Variants in JPH1 observed in about 807,000 individuals in gnomAD.
The protein encoded by JPH1 is junctophilin-1.
A neutral mutation model predicts 53.6 loss-of-function variants in JPH1; 12 were observed. That is an observed-to-expected ratio of 0.22 (90% CI 0.14 to 0.36). The LOEUF (loss-of-function observed/expected upper bound fraction) is 0.36, where lower values mean the gene tolerates loss of function less well. JPH1 is among the 10% of genes least tolerant of loss of function. The probability of loss-of-function intolerance (pLI) is 1.00; values close to 1 mark genes in which losing one functional copy is unlikely to be tolerated. For synonymous variants in JPH1, 375 were observed against 363.8 expected (o/e 1.03, Z -0.35); for missense variants, 808 against 905.5 (o/e 0.89, Z 1.38).
chr8:74,244,940 T>C lies in JPH1; in HGVS notation c.1494A>G (p.Lys498=), dbSNP rs760271557. The change falls in exon 4 of 6, where the codon AAA becomes AAG. Residue 498 remains lysine, a synonymous_variant. Coordinates refer to ENST00000342232, the MANE Select transcript of JPH1 (RefSeq NM_020647.4). ...TCACCTGCTCATCAGCCACACTCCT[T>C]TTGTCTTGGTTGAGTCTCGCCCCTG... The part of the protein sequence containing the change: ...PSSGARLNQD[K]RSVADEQVTA... The C allele has an allele frequency of 9.9e-5, 159 of 1,613,926 alleles. No homozygotes were observed. The highest frequency in any genetic ancestry group is 1.2e-4 in the Non-Finnish European group (145 of 1,180,026).
rs201342439 is a variant in JPH1, at chr8:74,244,788, T to C, written c.1646A>G (p.Gln549Arg). The change falls in exon 4 of 6, where the codon CAG (glutamine) becomes CGG (arginine). Residue 549 changes from glutamine to arginine, a missense_variant. This residue lies in a region of JPH1 where 756 missense variants were observed against 811.9 expected (regional missense o/e 0.93). Transcript: ENST00000342232. ...PNPSNGELHS[Q>R]YHGYYVKLNA... Reference sequence around the variant, plus strand: ...CAGCTTCACGTAGTAGCCGTGATACTGAGAATGCAGCTCCCCGTTACTGGG... The same window carrying C: ...CAGCTTCACGTAGTAGCCGTGATACCGAGAATGCAGCTCCCCGTTACTGGG... The C allele has an allele frequency of 1.4e-4, 227 of 1,614,062 alleles. 1 individual carries two copies. Among genetic ancestry groups the C allele is most frequent in the Non-Finnish European group, 2.4e-5 (28 of 1,180,036 alleles).
At chr8:74,296,691 A>C (rs1807531279) in intron 2 of JPH1, among the ~76,000 whole-genome samples, 1 of 152,192 alleles carries the variant, frequency 6.6e-6, no homozygotes, top group South Asian at 2.1e-4. Flanking sequence ...GCTTGCCTAA[A>C]AATTTCATTT....
intron 2 of JPH1, among the ~76,000 whole-genome samples, chr8:74,276,280 T>C (rs1806845725): frequency 6.6e-6 from 1 of 152,176 alleles, no homozygotes; most frequent in South Asian, 2.1e-4. Context: ...ACACTAGCCA[T>C]AGGACCGTGC....
intron 3 of JPH1, among the ~76,000 whole-genome samples, chr8:74,258,737 C>T (rs893658015): frequency 2.6e-5 from 4 of 152,148 alleles, no homozygotes; most frequent in Non-Finnish European, 5.9e-5. Context: ...GAATCTGTAG[C>T]TGTCACTAAA....
intron 2 of JPH1, among the ~76,000 whole-genome samples, chr8:74,261,123 A>C (rs1806384086): frequency 6.6e-6 from 1 of 152,186 alleles, no homozygotes; most frequent in Admixed American, 6.5e-5. Context: ...GGTGGAAAGG[A>C]GGGCATATCT....
Position 74,321,390 on chromosome 8 carries a change from C to G in JPH1, c.-103G>C. ...GGTGGGGGCCCGGCGGGCGAGCTCACGACAGCGCCCTGGGCAGCTCGCGCT... is the reference window on the plus strand; with the variant it reads ...GGTGGGGGCCCGGCGGGCGAGCTCAGGACAGCGCCCTGGGCAGCTCGCGCT... On this transcript the variant is annotated 5_prime_UTR_variant, in exon 1 of 6. Coordinates refer to ENST00000342232, the MANE Select transcript of JPH1 (RefSeq NM_020647.4). The surrounding 1 kb of genome is among the most constrained non-coding windows in gnomAD (Gnocchi z 4.3). 1 of 1,191,698 alleles carries G rather than the reference C, an allele frequency of 8.4e-7. No homozygotes were observed. The highest frequency in any genetic ancestry group is 3.1e-5 in the East Asian group (1 of 32,458). The allele number at this position is 1,191,698 out of a possible 1,614,324, so 73.8% of individuals were successfully genotyped here.
At chr8:74,271,141 C>CT (rs34886448) in intron 2 of JPH1, among the ~76,000 whole-genome samples, 10,659 of 152,212 alleles carry the variant, frequency 0.07, 954 homozygotes, top group African/African-American at 0.2. Context: ...GTCATTTCCA[C>CT]GAGGCAGGAA....
At chr8:74,297,353 C>T (rs777907929) in intron 2 of JPH1, among the ~76,000 whole-genome samples, 2 of 152,180 alleles carry the variant, frequency 1.3e-5, no homozygotes, top group Admixed American at 6.5e-5. Flanking sequence ...CAGAGAGGGA[C>T]GTCAAACAGA....
At position 74,299,684 on chromosome 8, in the gene JPH1, G is replaced by T. The variant is rs576210883; in HGVS notation, c.1139+15177C>A. Among the ~76,000 whole-genome samples, 8 of 152,300 alleles carry T rather than the reference G, an allele frequency of 5.3e-5. 1 individual carries two copies. In the East Asian group the frequency reaches 1.5e-3, roughly 29 times the overall value. On this transcript the variant is annotated intron_variant, in intron 2 of 5. Transcript: ENST00000342232. Reference sequence around the variant, plus strand: ...GGCTAAAGTTTTTCTTTTAACCACAGCCACATATGCATATTTACATAGACA... The same window carrying T: ...GGCTAAAGTTTTTCTTTTAACCACATCCACATATGCATATTTACATAGACA...
At chr8:74,238,895 C>T (rs918230192) in intron 4 of JPH1, among the ~76,000 whole-genome samples, 3 of 152,142 alleles carry the variant, frequency 2.0e-5, no homozygotes, top group Non-Finnish European at 2.9e-5. Context: ...TGGCCTTAAG[C>T]GATCCTGCCA....
rs896871598 is a variant in JPH1, at chr8:74,320,528, C to T, written c.379+381G>A. ...CGGGAGTGGCGATTTCAAACCCGGC[C>T]GGGAGAGGGAGGGATCAGGAACGTA... On this transcript the variant is annotated intron_variant, in intron 1 of 5. Coordinates refer to ENST00000342232, the MANE Select transcript of JPH1 (RefSeq NM_020647.4). The surrounding 1 kb of genome is among the most constrained non-coding windows in gnomAD (Gnocchi z 4.4). 6.6e-6 allele frequency among the ~76,000 whole-genome samples: 1 copy of T among 152,150 alleles called. No homozygotes were observed. The highest frequency in any genetic ancestry group is 2.4e-5 in the African/African-American group (1 of 41,442).
intron 2 of JPH1, among the ~76,000 whole-genome samples, chr8:74,314,305 C>T (rs1023603915): frequency 6.6e-6 from 1 of 152,178 alleles, no homozygotes; most frequent in Non-Finnish European, 1.5e-5. Flanking sequence ...CCACTTTTGC[C>T]ATATGTAGAT....
chr8:74,315,053 T>C lies in JPH1; in HGVS notation c.947A>G (p.Tyr316Cys). ...GEWANNKRHGYGCTVFPDGSK... is the reference protein window; with the variant it reads ...GEWANNKRHGCGCTVFPDGSK... Reference sequence around the variant, plus strand: ...GCCGTCAGGAAACACGGTACAGCCATATCCATGCCTCTTGTTATTTGCCCA... The same window carrying C: ...GCCGTCAGGAAACACGGTACAGCCACATCCATGCCTCTTGTTATTTGCCCA... Residue 316 changes from tyrosine (Y) to cysteine (C), a missense_variant, in exon 2 of 6, where the codon TAT (tyrosine) becomes TGT (cysteine). By Grantham distance (194) the Tyr-to-Cys change is radical (BLOSUM62 -2). This residue lies in a region of JPH1 where 756 missense variants were observed against 811.9 expected (regional missense o/e 0.93). Transcript: ENST00000342232. The surrounding 1 kb of genome is among the most constrained non-coding windows in gnomAD (Gnocchi z 6.3). 6.2e-7 allele frequency: 1 copy of C among 1,614,238 alleles called. No individual in the cohort carries two copies. The highest frequency in any genetic ancestry group is 8.5e-7 in the Non-Finnish European group (1 of 1,180,030).
intron 2 of JPH1, among the ~76,000 whole-genome samples, chr8:74,300,153 A>G (rs1807634768): frequency 6.6e-6 from 1 of 152,362 alleles, no homozygotes; most frequent in South Asian, 2.1e-4. Context: ...AAAAACAACA[A>G]AAACAAAATA....
intron 2 of JPH1, among the ~76,000 whole-genome samples, chr8:74,289,211 A>G: frequency 6.6e-6 from 1 of 152,204 alleles, no homozygotes; most frequent in East Asian, 1.9e-4. Context: ...CAGTCCAGTC[A>G]GATTTGATTT....
Position 74,315,493 on chromosome 8 carries a change from C to G in JPH1, c.507G>C (p.Glu169Asp). 6.2e-7 allele frequency: 1 copy of G among 1,606,538 alleles called. No individual in the cohort carries two copies. Among genetic ancestry groups the G allele is most frequent in the African/African-American group, 1.3e-5 (1 of 74,808 alleles). Residue 169 changes from glutamate (E) to aspartate (D), a missense_variant, in exon 2 of 6, where the codon GAG becomes GAC. Around this residue, in one of 2 missense-constraint regions of JPH1, gnomAD observed 756 missense variants for 811.9 expected, o/e 0.93. Coordinates refer to ENST00000342232, the MANE Select transcript of JPH1 (RefSeq NM_020647.4). The surrounding 1 kb of genome is among the most constrained non-coding windows in gnomAD (Gnocchi z 6.3). ...LRTSLASLRS[E>D]QSNGSVLHDA... ...CGTGGAGCACGCTGCCATTGCTCTG[C>G]TCGCTGCGCAGCGAGGCCAGCGAGG...
chr8:74,321,174 G>C lies in JPH1; in HGVS notation c.114C>G (p.Tyr38Ter). ...ICTGPKGQGE[Y>*]SGSWSHGFEV... is the part of the protein sequence containing the mutation. ...CGAAGCCGTGCGACCAGGAGCCCGAGTACTCGCCCTGGCCCTTGGGCCCCG... is the reference window on the plus strand; with the variant it reads ...CGAAGCCGTGCGACCAGGAGCCCGACTACTCGCCCTGGCCCTTGGGCCCCG... The change falls in exon 1 of 6, where the codon TAC (tyrosine) becomes TAG (stop). Residue 38 changes from tyrosine to a stop codon, truncating the protein, a stop_gained. Coordinates refer to ENST00000342232, the MANE Select transcript of JPH1 (RefSeq NM_020647.4). LOFTEE classifies it high-confidence loss of function. The surrounding 1 kb of genome is among the most constrained non-coding windows in gnomAD (Gnocchi z 4.3). 6.2e-7 allele frequency: 1 copy of C among 1,613,356 alleles called. No individual in the cohort carries two copies. The highest frequency in any genetic ancestry group is 8.5e-7 in the Non-Finnish European group (1 of 1,179,812).
At chr8:74,260,172 C>T (rs1806350136) in intron 2 of JPH1, among the ~76,000 whole-genome samples, 5 of 152,196 alleles carry the variant, frequency 3.3e-5, no homozygotes, top group Admixed American at 3.3e-4. Flanking sequence ...ATTTAGCTGA[C>T]TTTTAGGCAT....
intron 2 of JPH1, among the ~76,000 whole-genome samples, chr8:74,309,042 G>A (rs947990844): frequency 6.6e-6 from 1 of 152,072 alleles, no homozygotes; most frequent in Non-Finnish European, 1.5e-5. Context: ...CCTTAGTTCC[G>A]AGCTGAACAG....
Sources: allele counts gnomAD v4.1 joint callset (sites outside exome capture counted in the v4.1 genomes callset), GRCh38; gene constraint gnomAD v4.1.1; regional missense constraint gnomAD v4.1.1; non-coding constraint Gnocchi (gnomAD v3.1); transcripts MANE v1.5; gene names NCBI Gene and HGNC (gene_info 2026-07-23, HGNC 2026-07-21).